The following GALK2 variants were observed in gnomAD, a reference collection of about 807,000 sequenced individuals.
GALK2 encodes the protein galactokinase 2.
GALK2 carries 36 observed loss-of-function variants against 52.4 expected under a neutral mutation model. The observed-to-expected ratio is 0.69, with a 90% CI of 0.53 to 0.91. The LOEUF (loss-of-function observed/expected upper bound fraction) is 0.91, where lower values mean the gene tolerates loss of function less well. Among genes scored for constraint, GALK2 ranks in the 40% least tolerant of loss-of-function variants. GALK2 has a pLI of 0.00. For synonymous variants in GALK2, 176 were observed against 199.1 expected, an observed-to-expected ratio of 0.88 and a Z score of 0.98; for missense variants, 579 against 559.1, an observed-to-expected ratio of 1.04 and a Z score of -0.36.
At chr15:49,192,715 C>T (rs537312701) in intron 1 of GALK2, among the ~76,000 whole-genome samples, 3 of 151,688 alleles carry the variant, frequency 2.0e-5, no homozygotes, top group Non-Finnish European at 4.4e-5. Flanking sequence ...TGCATTGTTA[C>T]TTTTTAATTT....
chr15:49,280,043 G>A (rs113074466), intron 5 of GALK2, among the ~76,000 whole-genome samples: 9,174 of 152,210 alleles, frequency 0.06, 552 homozygotes, highest in African/African-American at 0.15. Context: ...GAAAGCAGCA[G>A]GTGTTTATTA....
chr15:49,212,317 G>T (rs921276965), intron 2 of GALK2, among the ~76,000 whole-genome samples: 1 of 149,580 alleles, frequency 6.7e-6, no homozygotes, highest in African/African-American at 2.6e-5. Context: ...GGTCTTGAAC[G>T]CCTGGCCTTG....
At position 49,327,938 on chromosome 15, in the gene GALK2, CCTCA is replaced by C. The variant is rs776364370; in HGVS notation, c.1170-11_1170-8del. 3.1e-6 allele frequency: 5 copies of C among 1,589,558 alleles called. No individual in the cohort carries two copies. The highest frequency in any genetic ancestry group is 3.4e-6 in the Non-Finnish European group (4 of 1,167,580). ...CATTTATAGGTTCTAATATTTTTTT[CCTCA>C]CTGTTTTAGGAAGTTTGGGGCTCAA... On this transcript the variant is annotated splice_polypyrimidine_tract_variant and intron_variant, in intron 9 of 9. Coordinates refer to ENST00000560031, the MANE Select transcript of GALK2 (RefSeq NM_002044.4).
intron 1 of GALK2, among the ~76,000 whole-genome samples, chr15:49,162,243 G>A (rs543524225): frequency 6.6e-6 from 1 of 152,232 alleles, no homozygotes; most frequent in South Asian, 2.1e-4. Context: ...CATGCAATAT[G>A]TACTCTCATT....
intron 1 of GALK2, among the ~76,000 whole-genome samples, chr15:49,172,116 C>G (rs1446856317): frequency 2.0e-5 from 3 of 152,128 alleles, no homozygotes; most frequent in East Asian, 3.9e-4. Context: ...GTGTAAATTC[C>G]TAATGTGTTT....
At chr15:49,319,386 T>C (rs151090849) in intron 8 of GALK2, among the ~76,000 whole-genome samples, 14 of 152,316 alleles carry the variant, frequency 9.2e-5, no homozygotes, top group Admixed American at 5.2e-4. Flanking sequence ...GAAGGAAATA[T>C]AGTTACAAGA....
chr15:49,192,437 A>G (rs1028464405), intron 1 of GALK2, among the ~76,000 whole-genome samples: 8 of 144,784 alleles, frequency 5.5e-5, no homozygotes, highest in Non-Finnish European at 9.0e-5. Flanking sequence ...GATTGTTTCC[A>G]GTATTTTGCG....
At chr15:49,265,797 G>A (rs1442646704) in intron 5 of GALK2, among the ~76,000 whole-genome samples, 1 of 152,124 alleles carries the variant, frequency 6.6e-6, no homozygotes, top group African/African-American at 2.4e-5. Context: ...TATTCTTTGG[G>A]CTTCTGTGAA....
intron 5 of GALK2, among the ~76,000 whole-genome samples, chr15:49,271,318 C>T (rs2030566202): frequency 6.6e-6 from 1 of 152,158 alleles, no homozygotes; most frequent in Admixed American, 6.5e-5. Flanking sequence ...CCCTCTTCTC[C>T]TCTTCCCAGT....
intron 5 of GALK2, among the ~76,000 whole-genome samples, chr15:49,241,928 A>T (rs1036963926): frequency 1.3e-5 from 2 of 152,204 alleles, no homozygotes; most frequent in Non-Finnish European, 2.9e-5. Context: ...CTAAGCAAAA[A>T]GGGAACAATA....
upstream of GALK2, chr15:49,170,087 G>A (rs2084960321): frequency 1.1e-6 from 1 of 874,724 alleles, no homozygotes. Flanking sequence ...GCTAAGAGCA[G>A]GACGGAGGCT....
intron 1 of GALK2, 24 bp downstream of exon 1, chr15:49,170,399 T>C: frequency 6.4e-7 from 1 of 1,572,942 alleles, no homozygotes; most frequent in South Asian, 1.2e-5. Context: ...GACGCCGGGC[T>C]TTGGGATCTG....
chr15:49,326,302 G>A (rs986816516), intron 9 of GALK2, among the ~76,000 whole-genome samples: 1 of 126,566 alleles, frequency 7.9e-6, no homozygotes, highest in Admixed American at 1.0e-4. Context: ...ACTGTGTCAC[G>A]CAGGCTGGAG....
chr15:49,346,210 T>C (rs531120041), intron 3 of GALK2, among the ~76,000 whole-genome samples: 2 of 152,316 alleles, frequency 1.3e-5, no homozygotes, highest in South Asian at 4.1e-4. Context: ...CAATTCAAAC[T>C]GGTTGAGACC....
chr15:49,263,048 G>A (rs2092200923), intron 5 of GALK2, among the ~76,000 whole-genome samples: 1 of 138,370 alleles, frequency 7.2e-6, no homozygotes, highest in African/African-American at 2.9e-5. Flanking sequence ...ATATTCTGTT[G>A]ATTTGGGGTG....
intron 5 of GALK2, among the ~76,000 whole-genome samples, chr15:49,239,863 G>A (rs566639740): frequency 1.6e-4 from 25 of 152,312 alleles, no homozygotes; most frequent in African/African-American, 4.8e-4. Flanking sequence ...AATTGTACAA[G>A]AGGTCAGAAA....
intron 3 of GALK2, among the ~76,000 whole-genome samples, chr15:49,354,598 G>A (rs551027391): frequency 1.3e-5 from 2 of 152,154 alleles, no homozygotes; most frequent in African/African-American, 4.8e-5. Context: ...AGGGTCCTAC[G>A]CCCACGGAGT....
rs2042977341 is a variant in GALK2, at chr15:49,355,411, G to C, written c.427-12080G>C. 2.0e-5 allele frequency among the ~76,000 whole-genome samples: 3 copies of C among 152,358 alleles called. No individual in the cohort carries two copies. The South Asian group carries it at 6.2e-4, about 32-fold the overall frequency. ...ACTGCCTAAAGGAGCTAATGGAGCT[G>C]AAAACCAAGGCTCGAGAACTACGTG... On this transcript the variant is annotated intron_variant, in intron 3 of 3. Coordinates refer to the GALK2 transcript ENST00000558399.
At chr15:49,155,978 T>C in exon 1 of GALK2, 2 of 1,614,092 alleles carry the variant, frequency 1.2e-6, no homozygotes, top group Non-Finnish European at 1.7e-6. Context: ...CAGAAGCCTT[T>C]CGCGGAGAAA....
Sources: allele counts gnomAD v4.1 joint callset (sites outside exome capture counted in the v4.1 genomes callset), GRCh38; gene constraint gnomAD v4.1.1; transcripts MANE v1.5; gene names NCBI Gene and HGNC (gene_info 2026-07-23, HGNC 2026-07-21).